KDM3B: variants seen among roughly 807,000 people sequenced by gnomAD.
KDM3B encodes lysine-specific demethylase 3B.
In KDM3B, 10 loss-of-function variants were observed where a neutral mutation model predicts 170.0. The observed-to-expected ratio is 0.06, with a 90% CI of 0.04 to 0.10. The LOEUF is 0.10. KDM3B is among the 10% of genes least tolerant of loss of function. The pLI is 1.00. For synonymous variants in KDM3B, 831 were observed against 834.8 expected, an observed-to-expected ratio of 1.00 and a Z score of 0.08; for missense variants, 1,394 against 2,195.2, an observed-to-expected ratio of 0.64 and a Z score of 7.29.
Position 138,395,765 on chromosome 5 carries a change from C to T in KDM3B, c.2831+2393C>T, listed in dbSNP as rs537941082. On this transcript the variant is annotated intron_variant, in intron 9 of 23. Transcript: ENST00000314358. ...CTGAGTAGCTGGGATTATAGGTGCG[C>T]GCCACCATGCTCGGCTAATTTTTTG... 2.7e-3 allele frequency among the ~76,000 whole-genome samples: 414 copies of T among 151,864 alleles called. 3 individuals carry two copies. The highest frequency in any genetic ancestry group is 0.01 in the Middle Eastern group (3 of 294).
intron 1 of KDM3B, among the ~76,000 whole-genome samples, chr5:138,369,931 C>A (rs1025941821): frequency 1.3e-5 from 2 of 152,156 alleles, no homozygotes; most frequent in Admixed American, 1.3e-4. Flanking sequence ...AGTAAGTTGT[C>A]TAAGTTTTGC....
chr5:138,420,788 C>G lies in KDM3B; in HGVS notation c.3798C>G (p.Val1266=), dbSNP rs752502581. ...GLDSFNSTAK[V]SPLTPKLFNS... ...ACTCGTTCAACTCCACTGCAAAGGTCTCTCCGCTGACTCCAAAGCTTTTTA... is the reference window on the plus strand; with the variant it reads ...ACTCGTTCAACTCCACTGCAAAGGTGTCTCCGCTGACTCCAAAGCTTTTTA... Residue 1266 remains valine, a synonymous_variant, in exon 15 of 24, where the codon GTC becomes GTG. Coordinates refer to ENST00000314358, the MANE Select transcript of KDM3B (RefSeq NM_016604.4). The G allele has an allele frequency of 6.2e-7, 1 of 1,614,162 alleles. No homozygotes were observed. Among genetic ancestry groups the G allele is most frequent in the Non-Finnish European group, 8.5e-7 (1 of 1,180,042 alleles).
chr5:138,419,728 TACACACACACACACAC>T (rs144047213), intron 14 of KDM3B, among the ~76,000 whole-genome samples: 27 of 122,184 alleles, frequency 2.2e-4, no homozygotes, highest in Non-Finnish European at 3.2e-4. Context: ...TACACACACA[TACACACACACACACAC>T]ACACACACAC....
Position 138,386,345 on chromosome 5 carries a change from G to C in KDM3B, c.1104G>C (p.Val368=). The C allele has an allele frequency of 6.2e-7, 1 of 1,614,204 alleles. No individual in the cohort carries two copies. The highest frequency in any genetic ancestry group is 8.5e-7 in the Non-Finnish European group (1 of 1,180,034). Residue 368 remains valine, a synonymous_variant, in exon 7 of 24, where the codon GTG becomes GTC. Coordinates refer to ENST00000314358, the MANE Select transcript of KDM3B (RefSeq NM_016604.4). Reference sequence around the variant, plus strand: ...CCAAAGAAAACGGCAGGACTCTGGTGGTGCAGGATGAGCCTGTAGGTGGGG... The same window carrying C: ...CCAAAGAAAACGGCAGGACTCTGGTCGTGCAGGATGAGCCTGTAGGTGGGG... ...TYTKENGRTL[V]VQDEPVGGDT... is the part of the protein sequence containing the mutation.
chr5:138,386,199 A>G lies in KDM3B; in HGVS notation c.958A>G (p.Ser320Gly). ...DSNGSDGGEA[S>G]RGPWKGGNAS... is the part of the protein sequence containing the mutation. The stretch of plus-strand genomic sequence containing the variant: ...TAATGGGAGCGATGGAGGTGAGGCA[A>G]GCCGAGGGCCCTGGAAAGGAGGGAA... The change falls in exon 7 of 24, where the codon AGC (serine) becomes GGC (glycine). Residue 320 changes from serine to glycine, a missense_variant. This residue lies in a region of KDM3B where 205 missense variants were observed against 227.6 expected (regional missense o/e 0.90). Coordinates refer to ENST00000314358, the MANE Select transcript of KDM3B (RefSeq NM_016604.4). 6.2e-7 allele frequency: 1 copy of G among 1,614,178 alleles called. No homozygotes were observed. Among genetic ancestry groups the G allele is most frequent in the Non-Finnish European group, 8.5e-7 (1 of 1,180,026 alleles).
chr5:138,406,140 T>A (rs1467609143), intron 11 of KDM3B, among the ~76,000 whole-genome samples: 1 of 151,362 alleles, frequency 6.6e-6, no homozygotes, highest in Non-Finnish European at 1.5e-5. Flanking sequence ...AGGCCAGGAG[T>A]TCAAGACCAG....
At chr5:138,419,393 C>T (rs113756860) in intron 14 of KDM3B, among the ~76,000 whole-genome samples, 161 bp downstream of exon 14, 7,819 of 152,092 alleles carry the variant, frequency 0.051, 286 homozygotes, top group Non-Finnish European at 0.075. Flanking sequence ...TGGTGGCTCA[C>T]GCGTGTAATC....
At chr5:138,427,506 G>T (rs1409006758) in intron 19 of KDM3B, among the ~76,000 whole-genome samples, 187 bp downstream of exon 19, 1 of 152,140 alleles carries the variant, frequency 6.6e-6, no homozygotes, top group Non-Finnish European at 1.5e-5. Context: ...CATCCATGTG[G>T]GCCCAGACCA....
chr5:138,357,054 C>G (rs1761467940), intron 1 of KDM3B, among the ~76,000 whole-genome samples: 1 of 151,214 alleles, frequency 6.6e-6, no homozygotes, highest in Non-Finnish European at 1.5e-5. Context: ...GAGTCTTGCT[C>G]TGTCTCCCGG....
chr5:138,379,497 A>G (rs981488994), intron 4 of KDM3B, 87 bp from the exon 5 acceptor site: 2 of 1,328,842 alleles, frequency 1.5e-6, no homozygotes, highest in Admixed American at 2.3e-5. Context: ...AAATATTTAC[A>G]TTATCTAATT....
chr5:138,372,352 T>C (rs1761896338), intron 1 of KDM3B, among the ~76,000 whole-genome samples: 1 of 152,192 alleles, frequency 6.6e-6, no homozygotes, highest in African/African-American at 2.4e-5. Flanking sequence ...GTACCTTATA[T>C]ATGGTAAGCC....
Position 138,424,410 on chromosome 5 carries a change from A to G in KDM3B, c.4239+69A>G. 2.0e-6 allele frequency: 3 copies of G among 1,517,094 alleles called. No homozygotes were observed. In the Admixed American group the frequency reaches 6.2e-5, roughly 31 times the overall value. The allele number at this position is 1,517,094 out of a possible 1,614,324, so 94.0% of individuals were successfully genotyped here. ...CTACCACAGATACCTGGACAATTCC[A>G]GGTCTCTCTTTTTGCCAGGGAGATT... is the stretch of plus-strand genomic sequence containing the variant. On this transcript the variant is annotated intron_variant, in intron 16 of 23. Transcript: ENST00000314358.
chr5:138,396,744 C>A (rs977293293), intron 9 of KDM3B, among the ~76,000 whole-genome samples: 7 of 151,720 alleles, frequency 4.6e-5, no homozygotes, highest in Non-Finnish European at 1.0e-4. Context: ...GAATAGAAAA[C>A]AAGGTCCTCA....
rs1763385150 is a variant in KDM3B at position 138,426,134 on chromosome 5, C to T, written c.4411+552C>T. 5.3e-5 allele frequency among the ~76,000 whole-genome samples: 8 copies of T among 152,278 alleles called. No individual in the cohort carries two copies. In the South Asian group the frequency reaches 1.7e-3, roughly 32 times the overall value. ...CATGCCTGGACTTAATCATGTGATT[C>T]CATGGGCTATGCAGAGCACTTTCAC... On this transcript the variant is annotated intron_variant, in intron 17 of 23. Transcript: ENST00000314358.
intron 6 of KDM3B, among the ~76,000 whole-genome samples, chr5:138,382,366 C>G (rs1460819074): frequency 2.0e-5 from 3 of 151,946 alleles, no homozygotes; most frequent in African/African-American, 4.8e-5. Context: ...GTGGGAGAAT[C>G]GCTAGAACCT....
At chr5:138,420,203 A>T (rs1035171527) in intron 14 of KDM3B, among the ~76,000 whole-genome samples, 2 of 152,280 alleles carry the variant, frequency 1.3e-5, no homozygotes, top group African/African-American at 4.8e-5. Context: ...CAAGACTTTT[A>T]ACAAGCTTCT....
intron 1 of KDM3B, among the ~76,000 whole-genome samples, chr5:138,362,668 G>C (rs985182399): frequency 1.2e-4 from 18 of 147,656 alleles, no homozygotes; most frequent in African/African-American, 4.5e-4. Context: ...TTATTTCTAT[G>C]GTTTTGTTAT....
In KDM3B at chr5:138,391,891, G is replaced by T. The variant is rs759333795; in HGVS notation, c.2259G>T (p.Gly753=). The T allele has an allele frequency of 1.1e-5, 17 of 1,613,848 alleles. No individual in the cohort carries two copies. The highest frequency in any genetic ancestry group is 1.4e-5 in the Non-Finnish European group (16 of 1,179,900). The stretch of plus-strand genomic sequence containing the variant: ...CCACAGAGGAGAGGCCAACTGTGGG[G>T]CCTGGGCAGCAGGACAATCCCCTCC... The part of the protein sequence containing the change: ...SSPTEERPTV[G]PGQQDNPLLK... The change falls in exon 8 of 24, where the codon GGG becomes GGT. Residue 753 remains glycine (G), a synonymous_variant. Transcript: ENST00000314358. The surrounding 1 kb of genome is among the most constrained non-coding windows in gnomAD (Gnocchi z 5.0).
At chr5:138,400,722 C>A (rs1762661910) in intron 11 of KDM3B, among the ~76,000 whole-genome samples, 1 of 150,144 alleles carries the variant, frequency 6.7e-6, no homozygotes, top group Non-Finnish European at 1.5e-5. Context: ...GCACTCCAGC[C>A]TGGACAACAG....
Sources: allele counts gnomAD v4.1 joint callset (sites outside exome capture counted in the v4.1 genomes callset), GRCh38; gene constraint gnomAD v4.1.1; regional missense constraint gnomAD v4.1.1; non-coding constraint Gnocchi (gnomAD v3.1); transcripts MANE v1.5; gene names NCBI Gene and HGNC (gene_info 2026-07-23, HGNC 2026-07-21).